Variants in ZC3H12B observed in about 807,000 individuals in gnomAD.
ZC3H12B encodes the protein zinc finger CCCH-type containing 12B.
Under a neutral mutation model 43.9 loss-of-function variants are expected in ZC3H12B, and 7 were observed. That is an observed-to-expected ratio of 0.16 (90% CI 0.09 to 0.30). ZC3H12B has a LOEUF of 0.30. Ranked by LOEUF, ZC3H12B falls within the 10% of genes least tolerant of loss-of-function variation. ZC3H12B has a pLI of 1.00. For missense variants in ZC3H12B, 475 were observed against 670.2 expected, an observed-to-expected ratio of 0.71 and a Z score of 3.22; for synonymous variants, 222 against 241.7, an observed-to-expected ratio of 0.92 and a Z score of 0.76.
intron 3 of ZC3H12B, among the ~76,000 whole-genome samples, chrX:65,453,402 A>ATG (rs1329017047): frequency 1.1e-4 from 9 of 84,910 alleles, no homozygotes; most frequent in Non-Finnish European, 2.0e-4. Context: ...ATATATATAT[A>ATG]TAAAATAGAA....
the ZC3H12B span, among the ~76,000 whole-genome samples, chrX:65,129,109 C>A: frequency 6.4e-5 from 7 of 109,393 alleles, no homozygotes; most frequent in South Asian, 1.9e-3. Flanking sequence ...TTCTTTGTTT[C>A]TTTTTTTTGT....
chrX:65,149,157 C>T, the ZC3H12B span, among the ~76,000 whole-genome samples: 1 of 111,230 alleles, frequency 9.0e-6, no homozygotes, highest in Non-Finnish European at 1.9e-5. Flanking sequence ...ATCTCAGAAG[C>T]CTTAAGCTTG....
At chrX:65,397,261 G>T (rs12116364) in intron 2 of ZC3H12B, among the ~76,000 whole-genome samples, 3,135 of 111,258 alleles carry the variant, frequency 0.028, 107 homozygotes, top group African/African-American at 0.097. Context: ...TGATTATTTT[G>T]CACATTAGTT....
the ZC3H12B span, among the ~76,000 whole-genome samples, chrX:65,120,659 G>A: frequency 9.0e-6 from 1 of 110,751 alleles, no homozygotes; most frequent in South Asian, 3.8e-4. Context: ...CTGCCTGATT[G>A]TCCTGGCCAG....
At chrX:65,137,873 G>A in the ZC3H12B span, among the ~76,000 whole-genome samples, 9 of 112,696 alleles carry the variant, frequency 8.0e-5, no homozygotes, top group East Asian at 2.2e-3. Context: ...CTATTGCCCA[G>A]GCTGTAGGGC....
chrX:65,391,617 G>C (rs1020950777), intron 2 of ZC3H12B, among the ~76,000 whole-genome samples: 1 of 111,652 alleles, frequency 9.0e-6, no homozygotes, highest in African/African-American at 3.3e-5. Flanking sequence ...CTGGTCTCTA[G>C]GTATGGGGCT....
chrX:65,287,522 G>A, the ZC3H12B span, among the ~76,000 whole-genome samples: 1 of 110,545 alleles, frequency 9.0e-6, no homozygotes, highest in African/African-American at 3.3e-5. Context: ...TTGGGGGGCC[G>A]AGGCAGGTCT....
At chrX:65,312,891 T>C in the ZC3H12B span, among the ~76,000 whole-genome samples, 1 of 111,674 alleles carries the variant, frequency 9.0e-6, no homozygotes, top group Non-Finnish European at 1.9e-5. Context: ...TTTTTTTTGT[T>C]TGTTTTTTGA....
chrX:65,383,541 G>T (rs1259484476), intron 2 of ZC3H12B, among the ~76,000 whole-genome samples: 4 of 111,496 alleles, frequency 3.6e-5, no homozygotes, highest in Non-Finnish European at 7.5e-5. Flanking sequence ...ACATAGGCTT[G>T]GGCAAGGACT....
At chrX:65,362,279 G>A (rs2066113703), upstream of ZC3H12B, among the ~76,000 whole-genome samples, 1 of 111,073 alleles carries the variant, frequency 9.0e-6, no homozygotes, top group Non-Finnish European at 1.9e-5. Context: ...TCAATACCTG[G>A]AGGCTACCCA....
the ZC3H12B span, among the ~76,000 whole-genome samples, chrX:65,346,396 A>G: frequency 2.7e-5 from 3 of 111,758 alleles, no homozygotes; most frequent in East Asian, 8.4e-4. Context: ...TATTCAATAA[A>G]TTTTGCTGGA....
chrX:65,237,169 C>T, the ZC3H12B span, among the ~76,000 whole-genome samples: 1 of 111,884 alleles, frequency 8.9e-6, no homozygotes, highest in South Asian at 3.7e-4. Flanking sequence ...TCAATTATTC[C>T]TATCCATGAG....
At chrX:65,075,680 T>A in the ZC3H12B span, among the ~76,000 whole-genome samples, 1 of 111,632 alleles carries the variant, frequency 9.0e-6, no homozygotes, top group Admixed American at 9.5e-5. Flanking sequence ...GGTGAGTGAG[T>A]GCTTTTTGCC....
chrX:65,406,623 T>G (rs1336397231), intron 3 of ZC3H12B, among the ~76,000 whole-genome samples: 1 of 4,683 alleles, frequency 2.1e-4, no homozygotes, highest in South Asian at 0.011. Flanking sequence ...TGGGCGGGAC[T>G]GGGCGGGGCC....
At chrX:65,471,998 G>T (rs921186345) in intron 3 of ZC3H12B, among the ~76,000 whole-genome samples, 1 of 111,499 alleles carries the variant, frequency 9.0e-6, no homozygotes, top group Admixed American at 9.6e-5. Flanking sequence ...TTTCTTGTAG[G>T]ATTGGTCTGG....
upstream of ZC3H12B, among the ~76,000 whole-genome samples, chrX:65,361,762 A>G (rs2066106221): frequency 9.0e-6 from 1 of 110,647 alleles, no homozygotes. Flanking sequence ...AGCTCCAAAA[A>G]TTAGATTCCA....
At chrX:65,370,077 G>A (rs1039663837) in intron 2 of ZC3H12B, among the ~76,000 whole-genome samples, 5 of 111,165 alleles carry the variant, frequency 4.5e-5, no homozygotes, top group African/African-American at 1.3e-4. Flanking sequence ...TGAGACCCTC[G>A]TCTATATTGA....
In ZC3H12B at chrX:65,502,081, T is replaced by C. The variant is rs753742760; in HGVS notation, c.1383T>C (p.Ser461=). The C allele has an allele frequency of 5.0e-6, 6 of 1,211,558 alleles. 1 individual carries two copies. The highest frequency in any genetic ancestry group is 6.7e-6 in the Non-Finnish European group (6 of 895,350). ...TTGCCCGTAAGCCTGAGGCTAGTTC[T>C]GTCCCCTCGCTTGTGACTGCCCTAA... The change falls in exon 5 of 5, where the codon TCT becomes TCC. Residue 461 remains serine (S), a synonymous_variant. Transcript: ENST00000338957.
chrX:65,330,467 G>A, the ZC3H12B span, among the ~76,000 whole-genome samples: 15 of 110,983 alleles, frequency 1.4e-4, no homozygotes, highest in East Asian at 2.8e-4. Flanking sequence ...GAGAGAGTGC[G>A]TCCCTGTCTT....
Sources: allele counts gnomAD v4.1 joint callset (sites outside exome capture counted in the v4.1 genomes callset), GRCh38; gene constraint gnomAD v4.1.1; transcripts MANE v1.5; gene names NCBI Gene and HGNC (gene_info 2026-07-23, HGNC 2026-07-21).